NNT: variants seen among roughly 807,000 people sequenced by gnomAD.
The protein encoded by NNT is nicotinamide nucleotide transhydrogenase.
In NNT, 50 loss-of-function variants were observed where a neutral mutation model predicts 104.8. That is an observed-to-expected ratio of 0.48 (90% confidence interval 0.38 to 0.60). The LOEUF (loss-of-function observed/expected upper bound fraction) is 0.60, where lower values mean the gene tolerates loss of function less well. Ranked by LOEUF, NNT falls within the 20% of genes least tolerant of loss-of-function variation. NNT has a pLI of 0.00. For synonymous variants in NNT, 461 were observed against 490.4 expected, an observed-to-expected ratio of 0.94 and a Z score of 0.79; for missense variants, 1,131 against 1,330.7, an observed-to-expected ratio of 0.85 and a Z score of 2.33.
chr5:43,661,872 T>C (rs35738789), intron 17 of NNT, among the ~76,000 whole-genome samples: 6,555 of 152,086 alleles, frequency 0.043, 157 homozygotes, highest in East Asian at 0.12. Flanking sequence ...AATAAACATA[T>C]GTGTGCATGT....
At chr5:43,681,652 A>T (rs1410229444) in intron 19 of NNT, among the ~76,000 whole-genome samples, 1 of 152,154 alleles carries the variant, frequency 6.6e-6, no homozygotes, top group Non-Finnish European at 1.5e-5. Flanking sequence ...TGCTTGCCTC[A>T]GCCTCCCAAA....
chr5:43,614,276 A>G (rs1463656985), intron 3 of NNT, among the ~76,000 whole-genome samples: 1 of 152,212 alleles, frequency 6.6e-6, no homozygotes, highest in South Asian at 2.1e-4. Context: ...ATCCTATAAC[A>G]TAGAATATTG....
intron 7 of NNT, among the ~76,000 whole-genome samples, chr5:43,640,878 A>G (rs1297798640): frequency 6.6e-6 from 1 of 151,144 alleles, no homozygotes; most frequent in East Asian, 1.9e-4. Context: ...ATATTTTCAT[A>G]TCTATTGATG....
At chr5:43,605,673 A>C (rs191294762) in intron 1 of NNT, among the ~76,000 whole-genome samples, 3 of 152,128 alleles carry the variant, frequency 2.0e-5, no homozygotes, top group African/African-American at 7.2e-5. Flanking sequence ...GATGATTAGG[A>C]TGGAGTATTA....
Position 43,653,437 on chromosome 5 carries a change from T to C in NNT, c.2059+224T>C, listed in dbSNP as rs571565162. The stretch of plus-strand genomic sequence containing the variant: ...CAAAATATCCTATACTCAATTCTTA[T>C]CTTCCTTTACTGACTGTGTCCCGTT... On this transcript the variant is annotated intron_variant, in intron 14 of 21. Coordinates refer to ENST00000344920, the MANE Select transcript of NNT (RefSeq NM_182977.3). The C allele has an allele frequency of 1.7e-5, 8 of 478,608 alleles. No homozygotes were observed. The East Asian group carries it at 2.7e-4, about 16-fold the overall frequency. 29.6% of individuals were successfully genotyped at this position (478,608 alleles called of 1,614,324 possible).
chr5:43,659,060 A>G, intron 16 of NNT, 111 bp from the exon 17 acceptor site: 1 of 1,076,678 alleles, frequency 9.3e-7, no homozygotes, highest in Non-Finnish European at 1.3e-6. Flanking sequence ...TGGAACTTAT[A>G]TGTAAATATA....
chr5:43,660,599 A>G (rs1309483342), intron 17 of NNT, among the ~76,000 whole-genome samples: 2 of 152,226 alleles, frequency 1.3e-5, no homozygotes, highest in Non-Finnish European at 2.9e-5. Context: ...TTATGAAGTA[A>G]AGAGGTTTAA....
intron 17 of NNT, chr5:43,666,913 C>G: frequency 5.7e-6 from 9 of 1,577,074 alleles, no homozygotes; most frequent in Non-Finnish European, 7.7e-6. Flanking sequence ...GGCACAAACA[C>G]GCTTCCCAAG....
intron 7 of NNT, among the ~76,000 whole-genome samples, chr5:43,636,989 A>G (rs1245064703): frequency 6.6e-6 from 1 of 152,204 alleles, no homozygotes; most frequent in African/African-American, 2.4e-5. Flanking sequence ...ACATTTAGAA[A>G]TATCTCAAGG....
chr5:43,696,589 C>A (rs538229767), intron 19 of NNT, among the ~76,000 whole-genome samples: 3 of 152,338 alleles, frequency 2.0e-5, no homozygotes, highest in Admixed American at 6.5e-5. Flanking sequence ...TCCGACCCCA[C>A]ATTTCCCTTC....
At position 43,659,236 on chromosome 5, in the gene NNT, C is replaced by T. The variant is rs749772063; in HGVS notation, c.2520C>T (p.Ser840=). The T allele has an allele frequency of 6.2e-7, 1 of 1,614,076 alleles. No individual in the cohort carries two copies. The highest frequency in any genetic ancestry group is 1.7e-5 in the Admixed American group (1 of 59,996). ...CCGTCGTTATCACTGTGCTGAACAG[C>T]TACTCAGGCTGGGCCCTGTGTGCAG... ...DMPVVITVLN[S]YSGWALCAEG... is the part of the protein sequence containing the mutation. The change falls in exon 17 of 22, where the codon AGC becomes AGT. Residue 840 remains serine, a synonymous_variant. Transcript: ENST00000344920.
In NNT at chr5:43,619,085, A is replaced by G; in HGVS notation, c.653A>G (p.Gln218Arg). 1.3e-6 allele frequency: 2 copies of G among 1,554,494 alleles called. No individual in the cohort carries two copies. Among genetic ancestry groups the G allele is most frequent in the Non-Finnish European group, 1.7e-6 (2 of 1,148,372 alleles). The change falls in exon 5 of 22, where the codon CAG (glutamine) becomes CGG (arginine). Residue 218 changes from glutamine (Q) to arginine (R), a missense_variant. Transcript: ENST00000344920. ...CATTTTGGACGTTTTTTTACTGGTC[A>G]GATCACAGCTGCTGGAAAAGTTCCT... is the stretch of plus-strand genomic sequence containing the variant. ...ANHFGRFFTG[Q>R]ITAAGKVPPA...
At chr5:43,662,503 A>C (rs1484180774) in intron 17 of NNT, among the ~76,000 whole-genome samples, 1 of 152,188 alleles carries the variant, frequency 6.6e-6, no homozygotes, top group African/African-American at 2.4e-5. Flanking sequence ...CTGTATATAG[A>C]ACTACCAAAT....
At chr5:43,671,443 A>G (rs1257838504) in intron 17 of NNT, among the ~76,000 whole-genome samples, 1 of 152,204 alleles carries the variant, frequency 6.6e-6, no homozygotes, top group Admixed American at 6.5e-5. Flanking sequence ...TTCCATGTGT[A>G]GTGCTTCCTT....
At chr5:43,623,994 A>G (rs1164046911) in intron 5 of NNT, 38 bp from the exon 6 acceptor site, 5 of 1,582,894 alleles carry the variant, frequency 3.2e-6, no homozygotes, top group African/African-American at 1.3e-5. Context: ...TTATTAGTTG[A>G]TAATGAGCCT....
chr5:43,621,169 G>A (rs991420909), intron 5 of NNT, among the ~76,000 whole-genome samples: 1 of 152,258 alleles, frequency 6.6e-6, no homozygotes, highest in Non-Finnish European at 1.5e-5. Flanking sequence ...GCCGCAGCCT[G>A]TGGGCCACAA....
chr5:43,648,759 G>C (rs73751795), intron 10 of NNT, among the ~76,000 whole-genome samples: 2,135 of 152,296 alleles, frequency 0.014, 52 homozygotes, highest in African/African-American at 0.045. Context: ...TGCCCAAGTA[G>C]AAAATGCTTT....
intron 19 of NNT, among the ~76,000 whole-genome samples, chr5:43,697,851 G>A (rs979714623): frequency 3.9e-5 from 6 of 152,094 alleles, no homozygotes; most frequent in African/African-American, 7.2e-5. Context: ...TCACTATCAC[G>A]AGACCAGCAT....
At chr5:43,604,197 G>A (rs1021576567) in intron 1 of NNT, among the ~76,000 whole-genome samples, 2 of 152,172 alleles carry the variant, frequency 1.3e-5, no homozygotes, top group African/African-American at 4.8e-5. Flanking sequence ...ATGGTTGCCG[G>A]TGTCCTTTAT....
Sources: gnomAD v4.1 joint callset for allele counts (sites outside exome capture counted in the v4.1 genomes callset) on GRCh38, gnomAD v4.1.1 for gene constraint, MANE v1.5 for transcripts, NCBI Gene and HGNC (gene_info 2026-07-23, HGNC 2026-07-21) for gene names.